The following ABCB5 variants were observed in gnomAD, a reference collection of about 807,000 sequenced individuals.
ABCB5 encodes the protein ATP-binding cassette sub-family B member 5.
A neutral mutation model predicts 144.2 loss-of-function variants in ABCB5; 155 were observed. The observed-to-expected ratio is 1.08, with a 90% CI of 0.94 to 1.23. The LOEUF (loss-of-function observed/expected upper bound fraction) is 1.23. ABCB5 is among the 50% of genes most tolerant of loss of function. ABCB5 has a pLI of 0.00. For missense variants in ABCB5, 1,830 were observed against 1,520.8 expected, an observed-to-expected ratio of 1.20 and a Z score of -3.38; for synonymous variants, 610 against 528.6, an observed-to-expected ratio of 1.15 and a Z score of -2.11.
chr7:20,634,491 C>T (rs1784109784), intron 5 of ABCB5, among the ~76,000 whole-genome samples: 1 of 152,022 alleles, frequency 6.6e-6, no homozygotes, highest in Admixed American at 6.6e-5. Context: ...TCCATGGAGG[C>T]TGTACTAATT....
intron 26 of ABCB5, among the ~76,000 whole-genome samples, chr7:20,750,903 G>T (rs1782903580): frequency 6.6e-6 from 1 of 152,158 alleles, no homozygotes; most frequent in Non-Finnish European, 1.5e-5. Context: ...ACACCGCCTT[G>T]ACCTCAAGGA....
intron 26 of ABCB5, among the ~76,000 whole-genome samples, chr7:20,747,294 A>G (rs753543968): frequency 1.2e-4 from 18 of 152,286 alleles, no homozygotes; most frequent in Admixed American, 2.6e-4. Context: ...CCTTTGAGAC[A>G]AGGCCTCACT....
rs568452731 is a variant in ABCB5 at position 20,650,149 on chromosome 7, T to C, written c.1332+2T>C. ...TTATATGATCCGGATGATGGCTTTGTAAGTGCAGCTAGCAAAACCATGCAC... is the reference window on the plus strand; with the variant it reads ...TTATATGATCCGGATGATGGCTTTGCAAGTGCAGCTAGCAAAACCATGCAC... On this transcript the variant is annotated splice_donor_variant, in intron 12 of 27. Coordinates refer to ENST00000404938, the MANE Select transcript of ABCB5 (RefSeq NM_001163941.2). LOFTEE classifies it high-confidence loss of function. 3 of 1,613,312 alleles carry C rather than the reference T, an allele frequency of 1.9e-6. No homozygotes were observed. Among genetic ancestry groups the C allele is most frequent in the African/African-American group, 2.7e-5 (2 of 75,000 alleles).
At chr7:20,700,007 C>T in intron 18 of ABCB5, 51 bp from the exon 19 acceptor site, 2 of 1,602,304 alleles carry the variant, frequency 1.2e-6, no homozygotes, top group South Asian at 1.1e-5. Context: ...AATATATCAA[C>T]TAAATGTTAC....
intron 14 of ABCB5, among the ~76,000 whole-genome samples, chr7:20,673,075 T>A (rs956324451): frequency 1.3e-5 from 2 of 152,174 alleles, no homozygotes; most frequent in African/African-American, 4.8e-5. Context: ...ATTGGAGTAT[T>A]TTCCAGATAT....
intron 4 of ABCB5, 122 bp downstream of exon 4, chr7:20,628,960 T>G (rs1783970772): frequency 1.7e-6 from 2 of 1,150,304 alleles, no homozygotes; most frequent in South Asian, 3.6e-5. Flanking sequence ...AATATGTATT[T>G]AAGTCATTTA....
rs143838491 is a variant in ABCB5, at chr7:20,691,986, A to C, written c.2010+6150A>C. Among the ~76,000 whole-genome samples, 244 of 152,284 alleles carry C rather than the reference A, an allele frequency of 1.6e-3. 1 individual carries two copies. Among genetic ancestry groups the C allele is most frequent in the African/African-American group, 5.6e-3 (233 of 41,576 alleles). ...ATAGAAATAGACCCGGAAATGGCAC[A>C]CTTAGTAGAGTTAGTAGAGACATTA... is the stretch of plus-strand genomic sequence containing the variant. On this transcript the variant is annotated intron_variant, in intron 16 of 27. Transcript: ENST00000404938.
At chr7:20,621,155 G>A (rs1783797780) in intron 1 of ABCB5, among the ~76,000 whole-genome samples, 1 of 152,080 alleles carries the variant, frequency 6.6e-6, no homozygotes, top group African/African-American at 2.4e-5. Context: ...AATATTGTAT[G>A]ATTCCATTTA....
At chr7:20,714,728 A>T (rs1313057503) in intron 20 of ABCB5, among the ~76,000 whole-genome samples, 1 of 152,200 alleles carries the variant, frequency 6.6e-6, no homozygotes, top group Non-Finnish European at 1.5e-5. Flanking sequence ...AAGAATGGAA[A>T]ACCCAAGCTT....
intron 14 of ABCB5, among the ~76,000 whole-genome samples, chr7:20,663,586 T>C (rs12155194): frequency 0.19 from 28,774 of 151,942 alleles, 2,837 homozygotes; most frequent in Non-Finnish European, 0.21. Flanking sequence ...GCTTGGGGGA[T>C]GGGAAAGCGG....
rs569766196 is a variant in ABCB5, at chr7:20,709,908, C to A, written c.2421+5101C>A. 1.5e-4 allele frequency among the ~76,000 whole-genome samples: 22 copies of A among 148,932 alleles called. 2 individuals are homozygous for A. The highest frequency in any genetic ancestry group is 5.5e-4 in the African/African-American group (22 of 40,226). Reference sequence around the variant, plus strand: ...CTGCCAACATGGTGAAACCCTGTCTCTACTCAAACCACAAAAATTAGCTGG... The same window carrying A: ...CTGCCAACATGGTGAAACCCTGTCTATACTCAAACCACAAAAATTAGCTGG... On this transcript the variant is annotated intron_variant, in intron 20 of 27. Transcript: ENST00000404938.
At chr7:20,704,093 T>G (rs1291321664) in intron 19 of ABCB5, among the ~76,000 whole-genome samples, 1 of 145,580 alleles carries the variant, frequency 6.9e-6, no homozygotes, top group Non-Finnish European at 1.5e-5. Context: ...TTTTTTTTTG[T>G]GAGACAGGGT....
At chr7:20,722,323 T>A (rs1583451287) in intron 20 of ABCB5, among the ~76,000 whole-genome samples, 2 of 152,116 alleles carry the variant, frequency 1.3e-5, no homozygotes, top group South Asian at 4.1e-4. Flanking sequence ...ACAAAGGAAA[T>A]CCTGTAACTT....
chr7:20,734,140 A>T (rs1782311136), intron 23 of ABCB5, among the ~76,000 whole-genome samples: 1 of 152,018 alleles, frequency 6.6e-6, no homozygotes, highest in Non-Finnish European at 1.5e-5. Context: ...GGTCCTAGAG[A>T]TCAAATGTGG....
At chr7:20,619,793 G>A (rs1157445477) in intron 1 of ABCB5, among the ~76,000 whole-genome samples, 1 of 152,000 alleles carries the variant, frequency 6.6e-6, no homozygotes, top group East Asian at 1.9e-4. Context: ...TTTCTTCCAG[G>A]GTTTTTATAG....
At chr7:20,742,726 A>C in intron 24 of ABCB5, 151 bp from the exon 25 acceptor site, 1 of 677,856 alleles carries the variant, frequency 1.5e-6, no homozygotes, top group Admixed American at 2.9e-5. Flanking sequence ...ACCCACTTGC[A>C]GTCAACAGCT....
Position 20,685,741 on chromosome 7 carries a change from A to G in ABCB5, c.1915A>G (p.Thr639Ala), listed in dbSNP as rs371564156. The change falls in exon 16 of 28, where the codon ACT becomes GCT. Residue 639 changes from threonine (T) to alanine (A), a missense_variant. Physicochemically the swap from Thr to Ala is moderately conservative, Grantham distance 58 (BLOSUM62 0). Coordinates refer to ENST00000404938, the MANE Select transcript of ABCB5 (RefSeq NM_001163941.2). ...DEQMESMTYSTERKTNSLPLH... is the reference protein window; with the variant it reads ...DEQMESMTYSAERKTNSLPLH... ...ACAGATGGAGTCAATGACATATTCT[A>G]CTGAAAGAAAGACCAACTCACTTCC... 1.9e-6 allele frequency: 3 copies of G among 1,613,158 alleles called. No individual in the cohort carries two copies. Among genetic ancestry groups the G allele is most frequent in the Non-Finnish European group, 2.5e-6 (3 of 1,179,232 alleles).
chr7:20,647,088 A>C (rs1329522053), intron 9 of ABCB5, among the ~76,000 whole-genome samples: 1 of 152,216 alleles, frequency 6.6e-6, no homozygotes, highest in Non-Finnish European at 1.5e-5. Flanking sequence ...AAATTCAAAA[A>C]CGGTTTGAGT....
rs1405260439 is a variant in ABCB5, at chr7:20,707,815, T to TTTTTTTC, written c.2421+3014_2421+3015insCTTTTTT. Among the ~76,000 whole-genome samples the TTTTTTTC allele has an allele frequency of 2.0e-4, 29 of 145,242 alleles. 1 individual carries two copies. Among genetic ancestry groups the TTTTTTTC allele is most frequent in the African/African-American group, 7.4e-4 (29 of 39,114 alleles). The stretch of plus-strand genomic sequence containing the variant: ...TAACCTCATTTCTTTTTTTTTTTTT[T>TTTTTTTC]TTTTTTTTGAGACGGGGTCTCGCTC... On this transcript the variant is annotated intron_variant, in intron 20 of 27. Coordinates refer to ENST00000404938, the MANE Select transcript of ABCB5 (RefSeq NM_001163941.2).
Sources: allele counts gnomAD v4.1 joint callset (sites outside exome capture counted in the v4.1 genomes callset), GRCh38; gene constraint gnomAD v4.1.1; transcripts MANE v1.5; gene names NCBI Gene and HGNC (gene_info 2026-07-23, HGNC 2026-07-21).